Variants in FOXP1 observed in about 807,000 individuals in gnomAD.
FOXP1 encodes forkhead box P1, also known as forkhead box protein P1.
Under a neutral mutation model 98.2 loss-of-function variants are expected in FOXP1, and 15 were observed. The ratio of observed to expected loss-of-function variants is 0.15; its 90% confidence interval spans 0.10 to 0.24. The LOEUF is 0.24. Ranked by LOEUF, FOXP1 falls within the 10% of genes least tolerant of loss-of-function variation. The probability of loss-of-function intolerance (pLI) is 1.00; values close to 1 mark genes in which losing one functional copy is unlikely to be tolerated. For synonymous variants in FOXP1, 371 were observed against 314.5 expected, an observed-to-expected ratio of 1.18 and a Z score of -1.90; for missense variants, 633 against 848.5, an observed-to-expected ratio of 0.75 and a Z score of 3.15.
At chr3:71,026,668 T>C (rs575091179) in intron 11 of FOXP1, among the ~76,000 whole-genome samples, 1 of 152,174 alleles carries the variant, frequency 6.6e-6, no homozygotes, top group Non-Finnish European at 1.5e-5. Context: ...CCACGAAAGG[T>C]AGTAAGTCTG....
At chr3:71,468,620 C>T (rs766211911) in intron 3 of FOXP1, among the ~76,000 whole-genome samples, 1 of 152,162 alleles carries the variant, frequency 6.6e-6, no homozygotes, top group African/African-American at 2.4e-5. Flanking sequence ...TTCCTTTAAC[C>T]GTTCTAAAAA....
intron 3 of FOXP1, among the ~76,000 whole-genome samples, chr3:71,465,076 G>A (rs552736854): frequency 6.6e-6 from 1 of 152,060 alleles, no homozygotes; most frequent in Non-Finnish European, 1.5e-5. Flanking sequence ...GGGAGTCCGA[G>A]GTAGGCGGAT....
At position 70,955,083 on chromosome 3, in the gene FOXP1, A is replaced by G. The variant is rs1448732390; in HGVS notation, c.*4164T>C. On this transcript the variant is annotated 3_prime_UTR_variant, in exon 21 of 21. Transcript: ENST00000649528. ...CAAAACTGACTTTGAAGACATCCAG[A>G]ATTTCAGGAGGCTATGTCATTAACC... is the stretch of plus-strand genomic sequence containing the variant. 4.3e-6 allele frequency: 1 copy of G among 232,270 alleles called. No homozygotes were observed. Among genetic ancestry groups the G allele is most frequent in the African/African-American group, 2.2e-5 (1 of 45,296 alleles). The allele number at this position is 232,270 out of a possible 1,614,324, so 14.4% of individuals were successfully genotyped here.
intron 6 of FOXP1, chr3:71,130,363 A>G: frequency 1.3e-6 from 1 of 793,594 alleles, no homozygotes; most frequent in South Asian, 1.7e-5. Context: ...GAGAGGAGGG[A>G]AGGGGGAGGA....
At chr3:71,383,357 A>C (rs2080320185) in intron 3 of FOXP1, among the ~76,000 whole-genome samples, 1 of 152,200 alleles carries the variant, frequency 6.6e-6, no homozygotes. Context: ...CTGCATAACC[A>C]ATGGCAACAA....
At chr3:70,962,248 T>C (rs1046580580) in intron 20 of FOXP1, among the ~76,000 whole-genome samples, 1 of 152,206 alleles carries the variant, frequency 6.6e-6, no homozygotes, top group East Asian at 1.9e-4. Context: ...TACTAGGCAT[T>C]TGAGGATCAT....
intron 3 of FOXP1, among the ~76,000 whole-genome samples, chr3:71,463,380 A>C (rs1041270728): frequency 6.1e-5 from 8 of 131,598 alleles, no homozygotes; most frequent in Non-Finnish European, 1.3e-4. Context: ...AAAAAAAAAA[A>C]CTCACCAAGG....
intron 3 of FOXP1, among the ~76,000 whole-genome samples, chr3:71,438,856 T>A (rs1411653013): frequency 6.6e-6 from 1 of 152,088 alleles, no homozygotes; most frequent in Non-Finnish European, 1.5e-5. Flanking sequence ...TAAAGTAAAT[T>A]ACACAGGCTG....
At chr3:71,423,769 A>G (rs914777561) in intron 3 of FOXP1, among the ~76,000 whole-genome samples, 3 of 152,154 alleles carry the variant, frequency 2.0e-5, no homozygotes, top group South Asian at 2.1e-4. Flanking sequence ...CTGGCAGGGA[A>G]GTGCTATTAT....
intron 3 of FOXP1, among the ~76,000 whole-genome samples, chr3:71,473,027 A>G (rs35540156): frequency 0.42 from 63,285 of 152,078 alleles, 13,969 homozygotes; most frequent in Non-Finnish European, 0.48. Context: ...AAATAACTGA[A>G]CTAAGATTTG....
intron 4 of FOXP1, among the ~76,000 whole-genome samples, chr3:71,321,254 C>T (rs1167713308): frequency 2.6e-5 from 4 of 152,144 alleles, no homozygotes; most frequent in Non-Finnish European, 5.9e-5. Context: ...AATGATATCA[C>T]GCTTCCCACT....
chr3:70,965,641 A>G (rs1439963396), intron 20 of FOXP1, among the ~76,000 whole-genome samples: 2 of 152,220 alleles, frequency 1.3e-5, no homozygotes, highest in South Asian at 4.1e-4. Context: ...GTGATAAAGC[A>G]GAGGGAAAAA....
At chr3:71,362,170 T>C (rs748072747) in intron 3 of FOXP1, among the ~76,000 whole-genome samples, 3 of 152,194 alleles carry the variant, frequency 2.0e-5, no homozygotes, top group Non-Finnish European at 2.9e-5. Flanking sequence ...TGTTTTATTA[T>C]TTATTCATTT....
chr3:71,499,274 TC>T (rs1345150751), intron 2 of FOXP1, among the ~76,000 whole-genome samples: 4 of 152,168 alleles, frequency 2.6e-5, no homozygotes, highest in Non-Finnish European at 4.4e-5. Flanking sequence ...CCTCCCCTAG[TC>T]CACTTAAGGC....
chr3:71,424,673 T>G (rs2083968134), intron 3 of FOXP1, among the ~76,000 whole-genome samples: 1 of 152,156 alleles, frequency 6.6e-6, no homozygotes, highest in Non-Finnish European at 1.5e-5. Context: ...GCCACTAATT[T>G]CCAAGCCATC....
intron 4 of FOXP1, among the ~76,000 whole-genome samples, chr3:71,328,977 A>AAAAT (rs2076102634): frequency 1.2e-5 from 1 of 81,620 alleles, no homozygotes; most frequent in Non-Finnish European, 3.2e-5. Flanking sequence ...ATCTCGCTAA[A>AAAAT]AAAAAAAAAA....
intron 6 of FOXP1, among the ~76,000 whole-genome samples, chr3:71,183,170 A>C (rs1004690539): frequency 6.6e-6 from 1 of 152,092 alleles, no homozygotes; most frequent in Non-Finnish European, 1.5e-5. Context: ...GGTGATGATG[A>C]TCATGGCGGT....
chr3:71,116,079 A>G (rs891483735), intron 6 of FOXP1, among the ~76,000 whole-genome samples: 1 of 152,166 alleles, frequency 6.6e-6, no homozygotes, highest in African/African-American at 2.4e-5. Flanking sequence ...ATAAATGTAC[A>G]TAAGGAAAGG....
chr3:71,308,433 T>G (rs2074432180), intron 4 of FOXP1, among the ~76,000 whole-genome samples: 1 of 152,220 alleles, frequency 6.6e-6, no homozygotes, highest in Non-Finnish European at 1.5e-5. Flanking sequence ...TCTTATAATG[T>G]TGTAAGATAG....
Sources: allele counts gnomAD v4.1 joint callset (sites outside exome capture counted in the v4.1 genomes callset), GRCh38; gene constraint gnomAD v4.1.1; transcripts MANE v1.5; gene names NCBI Gene and HGNC (gene_info 2026-07-23, HGNC 2026-07-21).